EFCAB6: variants seen among roughly 807,000 people sequenced by gnomAD.
EFCAB6 encodes EF-hand calcium-binding domain-containing protein 6.
Under a neutral mutation model 169.8 loss-of-function variants are expected in EFCAB6, and 156 were observed. That is an observed-to-expected ratio of 0.92 (90% CI 0.81 to 1.05). EFCAB6 has a LOEUF of 1.05. Among genes scored for constraint, EFCAB6 ranks in the 50% least tolerant of loss-of-function variants. The pLI, the probability that EFCAB6 is intolerant of heterozygous loss-of-function variation, is 0.00. For missense variants in EFCAB6, 1,800 were observed against 1,829.1 expected (o/e 0.98, Z 0.29); for synonymous variants, 698 against 676.4 (o/e 1.03, Z -0.50).
chr22:43,687,393 T>C lies in EFCAB6; in HGVS notation c.1142+78A>G, dbSNP rs1233200038. ...GATCATTCAATAAATGCAGAAAAAG[T>C]AGCACAGATATTCTCTGATATTTTA... On this transcript the variant is annotated intron_variant, in intron 11 of 31. Transcript: ENST00000262726. 7 of 873,522 alleles carry C rather than the reference T, an allele frequency of 8.0e-6. No homozygotes were observed. The East Asian group carries it at 2.0e-4, about 25-fold the overall frequency. The allele number at this position is 873,522 out of a possible 1,614,324, so 54.1% of individuals were successfully genotyped here. A position where few individuals can be genotyped will look rare whatever the true frequency, so the allele number is the denominator to read the frequency against.
intron 5 of EFCAB6, among the ~76,000 whole-genome samples, chr22:43,758,009 T>C (rs1472746431): frequency 6.6e-6 from 1 of 152,250 alleles, no homozygotes; most frequent in Non-Finnish European, 1.5e-5. Flanking sequence ...AGACAGACAA[T>C]CTTTGTCTTT....
chr22:43,666,433 G>A (rs978483934), intron 17 of EFCAB6, among the ~76,000 whole-genome samples: 9 of 152,116 alleles, frequency 5.9e-5, no homozygotes, highest in Non-Finnish European at 1.2e-4. Flanking sequence ...TACTCTTCTT[G>A]GAAATATATT....
At position 43,735,958 on chromosome 22, in the gene EFCAB6, A is replaced by C. The variant is rs1225306643; in HGVS notation, c.543T>G (p.Phe181Leu). 6.2e-7 allele frequency: 1 copy of C among 1,614,094 alleles called. No homozygotes were observed. Among genetic ancestry groups the C allele is most frequent in the Non-Finnish European group, 8.5e-7 (1 of 1,180,014 alleles). The change falls in exon 7 of 32, where the codon TTT becomes TTG. Residue 181 changes from phenylalanine to leucine, a missense_variant. Coordinates refer to ENST00000262726, the MANE Select transcript of EFCAB6 (RefSeq NM_022785.4). ...FKNIKTVMKAFELIDVNKTGL... is the reference protein window; with the variant it reads ...FKNIKTVMKALELIDVNKTGL... Reference sequence around the variant, plus strand: ...CAGTCTTGTTAACATCAATGAGCTCAAAGGCTTTCATAACAGTCTTAATGT... The same window carrying C: ...CAGTCTTGTTAACATCAATGAGCTCCAAGGCTTTCATAACAGTCTTAATGT...
intron 2 of EFCAB6, among the ~76,000 whole-genome samples, chr22:43,783,071 G>A (rs563090193): frequency 5.3e-5 from 8 of 152,152 alleles, no homozygotes; most frequent in East Asian, 2.0e-4. Context: ...CTCCTTACCC[G>A]GAACTTATCA....
intron 26 of EFCAB6, among the ~76,000 whole-genome samples, chr22:43,574,606 C>G (rs1325636635): frequency 6.6e-6 from 1 of 151,174 alleles, no homozygotes; most frequent in Non-Finnish European, 1.5e-5. Flanking sequence ...TTGCATTGTC[C>G]CCAATGTCTC....
intron 22 of EFCAB6, among the ~76,000 whole-genome samples, chr22:43,607,594 TG>T (rs1261853353): frequency 3.3e-5 from 5 of 152,254 alleles, no homozygotes; most frequent in Admixed American, 2.0e-4. Flanking sequence ...GTAAGCATTT[TG>T]TAAGAACTTC....
rs2060468641 is a variant in EFCAB6 at position 43,744,001 on chromosome 22, GAAT to G, written c.508-8011_508-8009del. Among the ~76,000 whole-genome samples the G allele has an allele frequency of 1.2e-5, 1 of 82,772 alleles. No individual in the cohort carries two copies. The allele number at this position is 82,772 out of a possible 152,430, so 54.3% of individuals were successfully genotyped here. Reference sequence around the variant, plus strand: ...TGGATAGATAGGTAAATGGATGAATGAATGGATGAAGGGATGAATGATGAATGA... The same window carrying G: ...TGGATAGATAGGTAAATGGATGAATGGGATGAAGGGATGAATGATGAATGA... On this transcript the variant is annotated intron_variant, in intron 6 of 31. Transcript: ENST00000262726. The surrounding 1 kb of genome is among the most constrained non-coding windows in gnomAD (Gnocchi z 4.3).
chr22:43,797,125 A>C (rs1326482554), intron 2 of EFCAB6: 1 of 153,020 alleles, frequency 6.5e-6, no homozygotes. Flanking sequence ...CAATGGTAAC[A>C]TGATCAACTT....
At chr22:43,560,633 T>C (rs2048971209) in intron 26 of EFCAB6, among the ~76,000 whole-genome samples, 1 of 152,078 alleles carries the variant, frequency 6.6e-6, no homozygotes. Context: ...GAGGAGGAAA[T>C]GGCTGAGGTG....
intron 16 of EFCAB6, among the ~76,000 whole-genome samples, chr22:43,668,557 A>G (rs981026365): frequency 2.0e-5 from 3 of 152,178 alleles, no homozygotes; most frequent in African/African-American, 7.2e-5. Flanking sequence ...TGTAATAGAG[A>G]AGTTACAGAT....
chr22:43,615,736 C>T (rs555431235), intron 21 of EFCAB6, 90 bp downstream of exon 21: 531 of 1,099,380 alleles, frequency 4.8e-4, no homozygotes, highest in Admixed American at 7.1e-4. Flanking sequence ...CCCATCTTAG[C>T]GTCTGGATCT....
At chr22:43,617,673 T>C (rs906184431) in intron 20 of EFCAB6, among the ~76,000 whole-genome samples, 44 of 152,304 alleles carry the variant, frequency 2.9e-4, no homozygotes, top group African/African-American at 1.1e-3. Flanking sequence ...GTCAGCTCGT[T>C]AGTCACAGAT....
intron 26 of EFCAB6, among the ~76,000 whole-genome samples, chr22:43,571,007 T>C (rs1035026709): frequency 1.3e-5 from 2 of 152,136 alleles, no homozygotes; most frequent in South Asian, 2.1e-4. Flanking sequence ...CAAAGCAGTA[T>C]GAGGAAGGAG....
At chr22:43,656,386 C>T (rs1395264852) in intron 17 of EFCAB6, among the ~76,000 whole-genome samples, 1 of 149,970 alleles carries the variant, frequency 6.7e-6, no homozygotes, top group African/African-American at 2.5e-5. Context: ...GAGCAAAACG[C>T]CATCTAAAAA....
intron 17 of EFCAB6, among the ~76,000 whole-genome samples, chr22:43,648,834 A>G (rs1022180394): frequency 2.6e-5 from 4 of 152,220 alleles, no homozygotes; most frequent in Non-Finnish European, 4.4e-5. Flanking sequence ...TATAAAATTG[A>G]TTCATGCATT....
chr22:43,687,093 A>G (rs1314970148), intron 11 of EFCAB6, among the ~76,000 whole-genome samples: 1 of 152,224 alleles, frequency 6.6e-6, no homozygotes, highest in African/African-American at 2.4e-5. Context: ...CCTAACAAAT[A>G]CACGTTTACC....
At chr22:43,590,323 C>CCATCAGCTCATTGCA in intron 23 of EFCAB6, 94 bp from the exon 24 acceptor site, 4 of 1,408,486 alleles carry the variant, frequency 2.8e-6, no homozygotes, top group Non-Finnish European at 3.8e-6. Flanking sequence ...ATGCAATGAG[C>CCATCAGCTCATTGCA]TGATGGCTCA....
intron 10 of EFCAB6, among the ~76,000 whole-genome samples, chr22:43,697,852 G>C (rs1330515313): frequency 6.6e-6 from 1 of 152,146 alleles, no homozygotes; most frequent in Non-Finnish European, 1.5e-5. Context: ...ATACAGACTT[G>C]TCACACTGTT....
At chr22:43,736,829 C>T (rs2060157586) in intron 6 of EFCAB6, among the ~76,000 whole-genome samples, 1 of 152,062 alleles carries the variant, frequency 6.6e-6, no homozygotes, top group Non-Finnish European at 1.5e-5. Context: ...CACTCCACAC[C>T]TTGTTATTAC....
Sources: allele counts gnomAD v4.1 joint callset (sites outside exome capture counted in the v4.1 genomes callset), GRCh38; gene constraint gnomAD v4.1.1; non-coding constraint Gnocchi (gnomAD v3.1); transcripts MANE v1.5; gene names NCBI Gene and HGNC (gene_info 2026-07-23, HGNC 2026-07-21).